The following DLD variants were observed in gnomAD, a reference collection of about 807,000 sequenced individuals.
The protein encoded by DLD is dihydrolipoyl dehydrogenase, mitochondrial.
In DLD, 36 loss-of-function variants were observed where a neutral mutation model predicts 62.2. The observed-to-expected ratio is 0.58, with a 90% CI of 0.44 to 0.76. The LOEUF is 0.76. Ranked by LOEUF, DLD falls within the 30% of genes least tolerant of loss-of-function variation. The probability of loss-of-function intolerance (pLI) is 0.00; values close to 1 mark genes in which losing one functional copy is unlikely to be tolerated. For synonymous variants in DLD, 204 were observed against 199.6 expected, an observed-to-expected ratio of 1.02 and a Z score of -0.19; for missense variants, 541 against 608.6, an observed-to-expected ratio of 0.89 and a Z score of 1.17.
At chr7:107,911,118 A>G (rs1406960769) in intron 8 of DLD, among the ~76,000 whole-genome samples, 1 of 152,140 alleles carries the variant, frequency 6.6e-6, no homozygotes, top group Non-Finnish European at 1.5e-5. Context: ...ATCACCCTAA[A>G]AGAAACTTGC....
At chr7:107,912,975 A>G (rs1359756136) in intron 8 of DLD, among the ~76,000 whole-genome samples, 1 of 152,130 alleles carries the variant, frequency 6.6e-6, no homozygotes, top group Non-Finnish European at 1.5e-5. Context: ...TGACTTTTGT[A>G]TATGGTAAGA....
chr7:107,899,499 T>C (rs2031822785), intron 2 of DLD, among the ~76,000 whole-genome samples: 3 of 152,024 alleles, frequency 2.0e-5, no homozygotes, highest in South Asian at 4.2e-4. Context: ...AATTTATTTA[T>C]CATTTTAGTA....
chr7:107,915,796 C>T, intron 9 of DLD, 100 bp downstream of exon 9: 2 of 1,037,326 alleles, frequency 1.9e-6, no homozygotes, highest in South Asian at 1.4e-5. Flanking sequence ...TTTTTTCTAA[C>T]TTAAGGTCAT....
intron 8 of DLD, among the ~76,000 whole-genome samples, chr7:107,907,526 G>A (rs1053222099): frequency 3.3e-5 from 5 of 152,094 alleles, no homozygotes; most frequent in African/African-American, 1.2e-4. Context: ...ATTTGATAAT[G>A]CTTTTACCTG....
chr7:107,895,898 T>G (rs1226721675), intron 2 of DLD, among the ~76,000 whole-genome samples: 1 of 152,190 alleles, frequency 6.6e-6, no homozygotes, highest in Non-Finnish European at 1.5e-5. Context: ...ACACAGCATG[T>G]GCAGACACAC....
intron 2 of DLD, among the ~76,000 whole-genome samples, chr7:107,899,909 A>G (rs1169751434): frequency 6.6e-6 from 1 of 152,178 alleles, no homozygotes; most frequent in East Asian, 1.9e-4. Context: ...TTGTATTTAC[A>G]TTACTCTGAA....
chr7:107,893,766 A>C (rs189875634), intron 2 of DLD, among the ~76,000 whole-genome samples: 348 of 152,296 alleles, frequency 2.3e-3, no homozygotes, highest in Middle Eastern at 0.01. Context: ...GCAGAAACCC[A>C]TGCAATGTAA....
Position 107,919,389 on chromosome 7 carries a change from T to C in DLD, c.*130T>C. On this transcript the variant is annotated 3_prime_UTR_variant, in exon 14 of 14. Transcript: ENST00000205402. ...AATTATGAAACTTTTGGAAGGTATTTAATAGGTTTGGACAAAATGGAATAC... is the reference window on the plus strand; with the variant it reads ...AATTATGAAACTTTTGGAAGGTATTCAATAGGTTTGGACAAAATGGAATAC... The C allele has an allele frequency of 1.3e-6, 1 of 767,520 alleles. No homozygotes were observed. The highest frequency in any genetic ancestry group is 2.1e-6 in the Non-Finnish European group (1 of 468,406). 47.5% of individuals were successfully genotyped at this position (767,520 alleles called of 1,614,324 possible). A position where few individuals can be genotyped will look rare whatever the true frequency, so the allele number is the denominator to read the frequency against.
intron 8 of DLD, among the ~76,000 whole-genome samples, chr7:107,912,913 A>G (rs965177077): frequency 6.6e-6 from 1 of 152,146 alleles, no homozygotes; most frequent in Non-Finnish European, 1.5e-5. Context: ...GTTTTCTTAC[A>G]GTAATTTCAT....
chr7:107,891,642 G>A (rs1584453953), intron 1 of DLD: 2 of 467,210 alleles, frequency 4.3e-6, no homozygotes, highest in South Asian at 4.3e-5. Flanking sequence ...GTATAGTCTG[G>A]CTTTTTATAC....
rs181383705 is a variant in DLD at position 107,902,764 on chromosome 7, G to T, written c.267+371G>T. Among the ~76,000 whole-genome samples the T allele has an allele frequency of 8.9e-4, 136 of 152,110 alleles. 2 individuals carry two copies. The highest frequency in any genetic ancestry group is 3.4e-3 in the Middle Eastern group (1 of 294). On this transcript the variant is annotated intron_variant, in intron 4 of 13. Coordinates refer to ENST00000205402, the MANE Select transcript of DLD (RefSeq NM_000108.5). ...GTAAACATGACTGCCTTTTTCACCTGCCACCCTGAAGTGTGTACTTATGCC... is the reference window on the plus strand; with the variant it reads ...GTAAACATGACTGCCTTTTTCACCTTCCACCCTGAAGTGTGTACTTATGCC...
intron 8 of DLD, among the ~76,000 whole-genome samples, chr7:107,914,809 GT>G (rs1371092827): frequency 7.9e-5 from 12 of 152,208 alleles, no homozygotes; most frequent in African/African-American, 2.9e-4. Context: ...TTATTTAGAA[GT>G]TATACTAATT....
At chr7:107,906,501 G>T in intron 8 of DLD, 133 bp downstream of exon 8, 1 of 666,766 alleles carries the variant, frequency 1.5e-6, no homozygotes, top group Non-Finnish European at 2.7e-6. Flanking sequence ...TAGTAATAAA[G>T]AGTTTACTTT....
chr7:107,891,165 T>A (rs1460068879), upstream of DLD: 4 of 1,529,808 alleles, frequency 2.6e-6, no homozygotes, highest in African/African-American at 1.4e-5. Flanking sequence ...CGCCTGTGCA[T>A]GCGCAGGGAG....
chr7:107,891,166 G>T (rs1035871784), upstream of DLD: 4 of 1,548,630 alleles, frequency 2.6e-6, no homozygotes, highest in Admixed American at 1.7e-5. Context: ...GCCTGTGCAT[G>T]CGCAGGGAGG....
rs2032295522 is a variant in DLD, at chr7:107,917,403, A to C, written c.1177A>C (p.Ile393Leu). 6.2e-7 allele frequency: 1 copy of C among 1,614,182 alleles called. No individual in the cohort carries two copies. Among genetic ancestry groups the C allele is most frequent in the Admixed American group, 1.7e-5 (1 of 60,020 alleles). ...TGACTACAATTGTGTGCCATCAGTG[A>C]TTTACACACACCCTGAAGTTGCTTG... ...HIDYNCVPSV[I>L]YTHPEVAWVG... The change falls in exon 11 of 14, where the codon ATT (isoleucine) becomes CTT (leucine). Residue 393 changes from isoleucine (I) to leucine (L), a missense_variant. Physicochemically the swap from Ile to Leu is conservative, Grantham distance 5. Transcript: ENST00000205402.
At chr7:107,918,897 G>T (rs2032337704) in intron 12 of DLD, 113 bp from the exon 13 acceptor site, 1 of 872,062 alleles carries the variant, frequency 1.1e-6, no homozygotes, top group African/African-American at 1.8e-5. Flanking sequence ...AACTGATAAA[G>T]AAACAGATTT....
intron 9 of DLD, 36 bp downstream of exon 9, chr7:107,915,732 C>G (rs1199543018): frequency 1.3e-6 from 2 of 1,587,820 alleles, no homozygotes; most frequent in Non-Finnish European, 1.7e-6. Flanking sequence ...TGTATCATCC[C>G]TGTCTCTTTA....
chr7:107,895,906 C>T (rs2031710537), intron 2 of DLD, among the ~76,000 whole-genome samples: 1 of 152,178 alleles, frequency 6.6e-6, no homozygotes, highest in Non-Finnish European at 1.5e-5. Context: ...TGTGCAGACA[C>T]ACCCCTCCAA....
Sources: gnomAD v4.1 joint callset for allele counts (sites outside exome capture counted in the v4.1 genomes callset) on GRCh38, gnomAD v4.1.1 for gene constraint, MANE v1.5 for transcripts, NCBI Gene and HGNC (gene_info 2026-07-23, HGNC 2026-07-21) for gene names.